The following PHRF1 variants were observed in gnomAD, a reference collection of about 807,000 sequenced individuals.
The protein encoded by PHRF1 is PHD and RING finger domain-containing protein 1.
Under a neutral mutation model 128.9 loss-of-function variants are expected in PHRF1, and 53 were observed. That is an observed-to-expected ratio of 0.41 (90% confidence interval 0.33 to 0.52). The LOEUF is 0.52. PHRF1 is among the 20% of genes least tolerant of loss of function. The pLI, the probability that PHRF1 is intolerant of heterozygous loss-of-function variation, is 0.21. For synonymous variants in PHRF1, 1,178 were observed against 980.6 expected, an observed-to-expected ratio of 1.20 and a Z score of -3.76; for missense variants, 2,503 against 2,284.5, an observed-to-expected ratio of 1.10 and a Z score of -1.95.
At chr11:594,345 C>T (rs1004928754) in intron 6 of PHRF1, among the ~76,000 whole-genome samples, 2 of 152,248 alleles carry the variant, frequency 1.3e-5, no homozygotes, top group Admixed American at 6.5e-5. Flanking sequence ...CGTGAGCCTT[C>T]TAGTGGCTCG....
At chr11:585,233 C>T (rs1190912850) in intron 3 of PHRF1, among the ~76,000 whole-genome samples, 1 of 151,772 alleles carries the variant, frequency 6.6e-6, no homozygotes, top group African/African-American at 2.4e-5. Flanking sequence ...GAGGTAGTAG[C>T]CCTTTCCAGC....
chr11:578,017 G>A (rs1853989406), intron 1 of PHRF1, among the ~76,000 whole-genome samples: 1 of 152,258 alleles, frequency 6.6e-6, no homozygotes, highest in South Asian at 2.1e-4. Flanking sequence ...GCTGGGAAGG[G>A]CTGTGGTCTT....
chr11:598,352 G>C, intron 8 of PHRF1, 21 bp from the exon 9 acceptor site: 1 of 1,602,764 alleles, frequency 6.2e-7, no homozygotes, highest in Non-Finnish European at 8.5e-7. Context: ...GCATCTGACG[G>C]CACCACCCCT....
intron 1 of PHRF1, among the ~76,000 whole-genome samples, chr11:577,625 G>C (rs1853957774): frequency 6.6e-6 from 1 of 152,260 alleles, no homozygotes; most frequent in African/African-American, 2.4e-5. Flanking sequence ...GTGCGTGCCT[G>C]ACTTTTTGAC....
In PHRF1 at chr11:611,956, C is replaced by G; in HGVS notation, c.*179C>G. 1.1e-6 allele frequency: 1 copy of G among 928,724 alleles called. No homozygotes were observed. The highest frequency in any genetic ancestry group is 1.6e-6 in the Non-Finnish European group (1 of 636,006). 57.5% of individuals were successfully genotyped at this position (928,724 alleles called of 1,614,324 possible). A position where few individuals can be genotyped will look rare whatever the true frequency, so the allele number is the denominator to read the frequency against. ...TCGGGTTCCTGCGCTGACACCTGGT[C>G]TGTGCACCTGTGTTGCTCACAGTTG... On this transcript the variant is annotated 3_prime_UTR_variant, in exon 18 of 18. Transcript: ENST00000264555.
rs1391926356 is a variant in PHRF1 at position 598,622 on chromosome 11, TCTC to T, written c.1024+121_1024+123del. On this transcript the variant is annotated intron_variant, in intron 9 of 17. Coordinates refer to ENST00000264555, the MANE Select transcript of PHRF1 (RefSeq NM_001286581.2). ...ATTTCTTCTTTCTGCAAGTTAATCTTCTCTGCTGAAAACACTACACAGAAGCCG... is the reference window on the plus strand; with the variant it reads ...ATTTCTTCTTTCTGCAAGTTAATCTTTGCTGAAAACACTACACAGAAGCCG... The T allele has an allele frequency of 5.0e-6, 7 of 1,409,482 alleles. No homozygotes were observed. In the African/African-American group the frequency reaches 1.0e-4, roughly 20 times the overall value. 87.3% of individuals were successfully genotyped at this position (1,409,482 alleles called of 1,614,324 possible). A position where few individuals can be genotyped will look rare whatever the true frequency, so the allele number is the denominator to read the frequency against.
chr11:597,483 G>C lies in PHRF1; in HGVS notation c.807G>C (p.Arg269Ser), dbSNP rs1285063323. Residue 269 changes from arginine (R) to serine (S), a missense_variant, in exon 8 of 18, where the codon AGG (arginine) becomes AGC (serine). By Grantham distance (110) the Arg-to-Ser change is moderately radical. Coordinates refer to ENST00000264555, the MANE Select transcript of PHRF1 (RefSeq NM_001286581.2). The surrounding 1 kb of genome is among the most constrained non-coding windows in gnomAD (Gnocchi z 6.5). ...TTSRLRPRAG[R>S]TRAIARTRQS... ...GCAGGCTTCGGCCTCGAGCAGGTAG[G>C]ACCCGGGCGATAGCCAGGACACGGC... 6.2e-7 allele frequency: 1 copy of C among 1,612,684 alleles called. No individual in the cohort carries two copies. Among genetic ancestry groups the C allele is most frequent in the Non-Finnish European group, 8.5e-7 (1 of 1,179,582 alleles).
At chr11:594,872 A>G (rs1564850165) in intron 6 of PHRF1, among the ~76,000 whole-genome samples, 1 of 146,546 alleles carries the variant, frequency 6.8e-6, no homozygotes, top group African/African-American at 2.6e-5. Context: ...TTCTACCTAC[A>G]CTACTTGAAT....
chr11:611,055 G>A lies in PHRF1; in HGVS notation c.4779G>A (p.Lys1593=). Residue 1593 remains lysine, a synonymous_variant, in exon 17 of 18, where the codon AAG becomes AAA. Transcript: ENST00000264555. ...GGGAGGTGACCAAGGAGGAGTACAA[G>A]GACATCCTGCGCAAGGCCGTGCAGA... ...QKREVTKEEY[K]DILRKAVQKI... 1 of 1,613,216 alleles carries A rather than the reference G, an allele frequency of 6.2e-7. No individual in the cohort carries two copies. The highest frequency in any genetic ancestry group is 2.2e-5 in the East Asian group (1 of 44,860).
At chr11:602,033 C>T (rs747985935) in intron 10 of PHRF1, among the ~76,000 whole-genome samples, 19 of 152,166 alleles carry the variant, frequency 1.2e-4, no homozygotes, top group African/African-American at 3.1e-4. Context: ...AGCCCTCTGG[C>T]AGAGGCCCCC....
intron 10 of PHRF1, 45 bp from the exon 11 acceptor site, chr11:605,074 C>A: frequency 6.4e-7 from 1 of 1,556,676 alleles, no homozygotes; most frequent in Non-Finnish European, 8.7e-7. Context: ...TCGTAGATGC[C>A]ATCCCCGTCT....
intron 3 of PHRF1, among the ~76,000 whole-genome samples, chr11:584,526 C>T (rs1413415009): frequency 6.6e-6 from 1 of 152,034 alleles, no homozygotes; most frequent in Non-Finnish European, 1.5e-5. Flanking sequence ...GGAGAGGCTT[C>T]TGGAGAATCC....
intron 4 of PHRF1, among the ~76,000 whole-genome samples, chr11:589,543 T>C (rs1041641364): frequency 6.7e-6 from 1 of 149,412 alleles, no homozygotes; most frequent in African/African-American, 2.4e-5. Flanking sequence ...CCAGGGGTTT[T>C]GCAGGGGCTT....
chr11:577,111 C>T lies in PHRF1; in HGVS notation c.-22+519C>T, dbSNP rs1287370197. ...TGCCGTCGTGGGCTTCTGGCCTTGT[C>T]TGCATGTCCACAGGCCTGTGTGGCT... On this transcript the variant is annotated intron_variant, in intron 1 of 17. Coordinates refer to ENST00000264555, the MANE Select transcript of PHRF1 (RefSeq NM_001286581.2). 2.0e-5 allele frequency among the ~76,000 whole-genome samples: 3 copies of T among 152,254 alleles called. No homozygotes were observed. The East Asian group carries it at 5.8e-4, about 29-fold the overall frequency.
In PHRF1 at chr11:609,401, C is replaced by T. The variant is rs201485720; in HGVS notation, c.3945C>T (p.Ala1315=). ...CTGCGTTGCCCCCAGCCAGCCTGGC[C>T]GTGGCCGCCATCCAGAGGGAGGTGT... ...LKPALPPASL[A]VAAIQREVSL... The change falls in exon 14 of 18, where the codon GCC becomes GCT. Residue 1315 remains alanine (A), a synonymous_variant. Transcript: ENST00000264555. 59 of 1,610,828 alleles carry T rather than the reference C, an allele frequency of 3.7e-5. 1 individual carries two copies. The highest frequency in any genetic ancestry group is 1.6e-4 in the South Asian group (15 of 91,078).
Position 610,538 on chromosome 11 carries a change from C to G in PHRF1, c.4454C>G (p.Pro1485Arg). 6.2e-7 allele frequency: 1 copy of G among 1,605,688 alleles called. No individual in the cohort carries two copies. Among genetic ancestry groups the G allele is most frequent in the Non-Finnish European group, 8.5e-7 (1 of 1,179,560 alleles). The change falls in exon 16 of 18, where the codon CCC (proline) becomes CGC (arginine). Residue 1485 changes from proline to arginine, a missense_variant. Physicochemically the swap from Pro to Arg is moderately radical, Grantham distance 103. Coordinates refer to ENST00000264555, the MANE Select transcript of PHRF1 (RefSeq NM_001286581.2). ...SPGLPPAPAQPSSIPPCALVS... is the reference protein window; with the variant it reads ...SPGLPPAPAQRSSIPPCALVS... ...GGCCTGCCGCCTGCCCCGGCCCAGC[C>G]CTCAAGCATCCCACCCTGCGCACTG...
Position 608,520 on chromosome 11 carries a change from C to T in PHRF1, c.3064C>T (p.Arg1022Cys), listed in dbSNP as rs772256802. 1.2e-5 allele frequency: 19 copies of T among 1,592,824 alleles called. No individual in the cohort carries two copies. The highest frequency in any genetic ancestry group is 3.3e-5 in the South Asian group (3 of 90,476). Reference sequence around the variant, plus strand: ...GCACGGACGGACGCGCTCTGGGACGCGCTCTGAATCCAGGGACAGGAGCTC... The same window carrying T: ...GCACGGACGGACGCGCTCTGGGACGTGCTCTGAATCCAGGGACAGGAGCTC... ...REHGRTRSGTRSESRDRSSRS... is the reference protein window; with the variant it reads ...REHGRTRSGTCSESRDRSSRS... Residue 1022 changes from arginine to cysteine, a missense_variant, in exon 14 of 18, where the codon CGC becomes TGC. Arg to Cys is a radical substitution (Grantham distance 180). Coordinates refer to ENST00000264555, the MANE Select transcript of PHRF1 (RefSeq NM_001286581.2).
Position 609,176 on chromosome 11 carries a change from G to T in PHRF1, c.3720G>T (p.Leu1240=), listed in dbSNP as rs1564870022. The T allele has an allele frequency of 6.2e-7, 1 of 1,606,686 alleles. No homozygotes were observed. Among genetic ancestry groups the T allele is most frequent in the Admixed American group, 1.7e-5 (1 of 60,018 alleles). Residue 1240 remains leucine (L), a synonymous_variant, in exon 14 of 18, where the codon CTG becomes CTT. Coordinates refer to ENST00000264555, the MANE Select transcript of PHRF1 (RefSeq NM_001286581.2). ...PEVATADKAP[L]QAPPVLEVAA... is the part of the protein sequence containing the mutation. ...TGGCTACGGCCGACAAGGCCCCCCT[G>T]CAGGCTCCCCCTGTCCTGGAGGTGG...
Position 597,442 on chromosome 11 carries a change from G to A in PHRF1, c.766G>A (p.Val256Met), listed in dbSNP as rs1423731752. 1 of 1,613,058 alleles carries A rather than the reference G, an allele frequency of 6.2e-7. No individual in the cohort carries two copies. Among genetic ancestry groups the A allele is most frequent in the Non-Finnish European group, 8.5e-7 (1 of 1,179,674 alleles). Residue 256 changes from valine to methionine, a missense_variant, in exon 8 of 18, where the codon GTG (valine) becomes ATG (methionine). Coordinates refer to ENST00000264555, the MANE Select transcript of PHRF1 (RefSeq NM_001286581.2). This position sits in a 1 kb window ranked among gnomAD's most constrained non-coding sequence, Gnocchi z 6.5. Reference sequence around the variant, plus strand: ...GGAGGTCTCCCTGCTCTTGGCTGATGTGGTGCCCACCACCAGCAGGCTTCG... The same window carrying A: ...GGAGGTCTCCCTGCTCTTGGCTGATATGGTGCCCACCACCAGCAGGCTTCG... ...EEEVSLLLAD[V>M]VPTTSRLRPR...
Sources: allele counts gnomAD v4.1 joint callset (sites outside exome capture counted in the v4.1 genomes callset), GRCh38; gene constraint gnomAD v4.1.1; non-coding constraint Gnocchi (gnomAD v3.1); transcripts MANE v1.5; gene names NCBI Gene and HGNC (gene_info 2026-07-23, HGNC 2026-07-21).